Variants in EFCAB5 observed in about 807,000 individuals in gnomAD.
EFCAB5 encodes EF-hand calcium binding domain 5.
Under a neutral mutation model 167.9 loss-of-function variants are expected in EFCAB5, and 131 were observed. The ratio of observed to expected loss-of-function variants is 0.78; its 90% CI spans 0.68 to 0.90. EFCAB5 has a LOEUF of 0.90. Among genes scored for constraint, EFCAB5 ranks in the 40% least tolerant of loss-of-function variants. The pLI is 0.00. For missense variants in EFCAB5, 1,663 were observed against 1,745.2 expected (o/e 0.95, Z 0.84); for synonymous variants, 574 against 602.8 (o/e 0.95, Z 0.70).
chr17:29,941,215 G>A (rs1220784717), upstream of EFCAB5, among the ~76,000 whole-genome samples: 1 of 152,070 alleles, frequency 6.6e-6, no homozygotes, highest in African/African-American at 2.4e-5. Flanking sequence ...TGGCATGGCA[G>A]TGATTTGATA....
chr17:29,967,679 C>CA (rs2151574774), intron 3 of EFCAB5, among the ~76,000 whole-genome samples: 1 of 152,266 alleles, frequency 6.6e-6, no homozygotes, highest in Admixed American at 6.5e-5. Flanking sequence ...ATTTTAAAAA[C>CA]ATACACACAA....
rs762123443 is a variant in EFCAB5, at chr17:30,092,018, A to T, written c.4085A>T (p.Asn1362Ile). The change falls in exon 21 of 23, where the codon AAT (asparagine) becomes ATT (isoleucine). Residue 1362 changes from asparagine (N) to isoleucine (I), a missense_variant. By Grantham distance (149) the Asn-to-Ile change is moderately radical. Coordinates refer to ENST00000394835, the MANE Select transcript of EFCAB5 (RefSeq NM_198529.4). ...LYDHTLVTEP[N>I]SPQDSKSMEL... The stretch of plus-strand genomic sequence containing the variant: ...GACCATACTCTTGTAACAGAGCCAA[A>T]TTCTCCTCAAGACAGCAAATCTATG... The T allele has an allele frequency of 6.2e-7, 1 of 1,613,968 alleles. No homozygotes were observed. Among genetic ancestry groups the T allele is most frequent in the South Asian group, 1.1e-5 (1 of 91,068 alleles).
intron 6 of EFCAB5, among the ~76,000 whole-genome samples, chr17:29,998,014 A>AT (rs1380456697): frequency 2.6e-5 from 4 of 151,794 alleles, no homozygotes; most frequent in South Asian, 2.1e-4. Context: ...TATCCAGTAG[A>AT]TTTTTTTCCA....
chr17:29,954,022 T>C (rs954593955), intron 3 of EFCAB5, among the ~76,000 whole-genome samples: 2 of 152,166 alleles, frequency 1.3e-5, no homozygotes, highest in Non-Finnish European at 2.9e-5. Flanking sequence ...ACTTGAGAGA[T>C]AATTTAGGGT....
At chr17:30,009,614 C>T (rs993397194) in intron 7 of EFCAB5, among the ~76,000 whole-genome samples, 2 of 152,044 alleles carry the variant, frequency 1.3e-5, no homozygotes, top group African/African-American at 4.8e-5. Flanking sequence ...GAACATACTA[C>T]CTTTTATTTA....
In EFCAB5 at chr17:30,080,111, A is replaced by G; in HGVS notation, c.3067A>G (p.Ile1023Val). The change falls in exon 16 of 23, where the codon ATT becomes GTT. Residue 1023 changes from isoleucine to valine, a missense_variant. By Grantham distance (29) the Ile-to-Val change is conservative (BLOSUM62 3). Coordinates refer to ENST00000394835, the MANE Select transcript of EFCAB5 (RefSeq NM_198529.4). ...TGGAAATAAAAAGATCAGTGCTCAC[A>G]TTTCCCTCTTAGAAGAAAACCTACT... is the stretch of plus-strand genomic sequence containing the variant. ...AHGNKKISAH[I>V]SLLEENLLLP... 6.2e-7 allele frequency: 1 copy of G among 1,613,334 alleles called. No individual in the cohort carries two copies. The highest frequency in any genetic ancestry group is 2.2e-5 in the East Asian group (1 of 44,880).
At position 30,092,838 on chromosome 17, in the gene EFCAB5, A is replaced by G; in HGVS notation, c.4225-2A>G. ...AAATTTTCTCTTGTTGTTTGTTCAC[A>G]GTATGTTAACAAATATTTAGTCAAC... On this transcript the variant is annotated splice_acceptor_variant, in intron 21 of 22. Coordinates refer to ENST00000394835, the MANE Select transcript of EFCAB5 (RefSeq NM_198529.4). LOFTEE classifies it high-confidence loss of function. 3 of 1,607,204 alleles carry G rather than the reference A, an allele frequency of 1.9e-6. No homozygotes were observed. Among genetic ancestry groups the G allele is most frequent in the Non-Finnish European group, 2.5e-6 (3 of 1,176,904 alleles).
At chr17:29,936,881 T>C (rs1567665327), upstream of EFCAB5, among the ~76,000 whole-genome samples, 1 of 152,222 alleles carries the variant, frequency 6.6e-6, no homozygotes, top group South Asian at 2.1e-4. Context: ...AGAAATGATG[T>C]AGCCCTGAGC....
intron 4 of EFCAB5, among the ~76,000 whole-genome samples, chr17:29,992,750 T>C (rs1261286117): frequency 6.6e-6 from 1 of 152,238 alleles, no homozygotes; most frequent in Non-Finnish European, 1.5e-5. Context: ...ACAGTGAACA[T>C]GGAAGTGCAG....
intron 3 of EFCAB5, among the ~76,000 whole-genome samples, chr17:29,963,192 T>C (rs1343228151): frequency 6.6e-6 from 1 of 152,200 alleles, no homozygotes; most frequent in Non-Finnish European, 1.5e-5. Context: ...TTCTCCCACC[T>C]CAGCCTCCTA....
At chr17:30,104,988 G>T (rs2071429916) in intron 22 of EFCAB5, among the ~76,000 whole-genome samples, 1 of 152,076 alleles carries the variant, frequency 6.6e-6, no homozygotes, top group African/African-American at 2.4e-5. Context: ...TAAGAACACT[G>T]TGGCAGGGGT....
intron 22 of EFCAB5, among the ~76,000 whole-genome samples, chr17:30,097,591 A>G (rs571164436): frequency 6.6e-6 from 1 of 152,344 alleles, no homozygotes; most frequent in South Asian, 2.1e-4. Context: ...TTATAAATGA[A>G]GATTTTGTTC....
At chr17:30,048,362 A>G (rs2069985888) in intron 8 of EFCAB5, among the ~76,000 whole-genome samples, 2 of 152,058 alleles carry the variant, frequency 1.3e-5, no homozygotes, top group African/African-American at 4.8e-5. Context: ...AAAATACATA[A>G]TCATATAACA....
Position 30,083,040 on chromosome 17 carries a change from C to G in EFCAB5, c.3576C>G (p.Ala1192=). 1.9e-6 allele frequency: 3 copies of G among 1,613,642 alleles called. No homozygotes were observed. The highest frequency in any genetic ancestry group is 2.2e-5 in the East Asian group (1 of 44,880). ...ITTYFVEPSP[A]QDSDYVLRNM... ...CGTACTTTGTAGAGCCTAGCCCAGC[C>G]CAGGTAGGCAAGGCTCAGTAGTGGT... Residue 1192 remains alanine (A), a synonymous_variant, in exon 18 of 23, where the codon GCC becomes GCG. Coordinates refer to ENST00000394835, the MANE Select transcript of EFCAB5 (RefSeq NM_198529.4).
chr17:29,958,326 G>T (rs1465977351), intron 3 of EFCAB5, among the ~76,000 whole-genome samples: 2 of 151,970 alleles, frequency 1.3e-5, no homozygotes, highest in African/African-American at 2.4e-5. Context: ...GTCATGCTTA[G>T]TTCTTTTTTA....
intron 14 of EFCAB5, chr17:30,068,758 T>A: frequency 7.1e-7 from 1 of 1,409,022 alleles, no homozygotes; most frequent in Non-Finnish European, 1.0e-6. Context: ...CAGGAGTCCC[T>A]GGCCCAAGGG....
At chr17:29,998,658 T>C (rs1395699925) in intron 6 of EFCAB5, among the ~76,000 whole-genome samples, 1 of 152,220 alleles carries the variant, frequency 6.6e-6, no homozygotes, top group Admixed American at 6.5e-5. Context: ...TATGAAAATT[T>C]ATATAGCCTT....
chr17:30,004,856 C>T (rs1044448324), intron 7 of EFCAB5, among the ~76,000 whole-genome samples: 1 of 141,690 alleles, frequency 7.1e-6, no homozygotes, highest in Non-Finnish European at 1.5e-5. Flanking sequence ...AGGCTGGTCT[C>T]GAACTCCTGA....
In EFCAB5 at chr17:30,096,683, T is replaced by A. The variant is rs1367306081; in HGVS notation, c.4321+3747T>A. The stretch of plus-strand genomic sequence containing the variant: ...TATATATATATATATATATATTTTT[T>A]TTTTTTTTTTTTTTGAGATGGAGTC... On this transcript the variant is annotated intron_variant, in intron 22 of 22. Coordinates refer to ENST00000394835, the MANE Select transcript of EFCAB5 (RefSeq NM_198529.4). Among the ~76,000 whole-genome samples the A allele has an allele frequency of 7.2e-3, 684 of 94,984 alleles. 9 individuals are homozygous for A. In the East Asian group the frequency reaches 0.091, roughly 13 times the overall value. 62.3% of individuals were successfully genotyped at this position (94,984 alleles called of 152,430 possible).
Sources: allele counts gnomAD v4.1 joint callset (sites outside exome capture counted in the v4.1 genomes callset), GRCh38; gene constraint gnomAD v4.1.1; transcripts MANE v1.5; gene names NCBI Gene and HGNC (gene_info 2026-07-23, HGNC 2026-07-21).